The following MARCHF1 variants were observed in gnomAD, a reference collection of about 807,000 sequenced individuals.
MARCHF1 encodes the protein membrane associated ring-CH-type finger 1.
In MARCHF1, 40 loss-of-function variants were observed where a neutral mutation model predicts 54.2. That is an observed-to-expected ratio of 0.74 (90% CI 0.57 to 0.96). The LOEUF is 0.96. Among genes scored for constraint, MARCHF1 ranks in the 40% least tolerant of loss-of-function variants. The pLI is 0.00. For synonymous variants in MARCHF1, 236 were observed against 236.3 expected (o/e 1.00, Z 0.01); for missense variants, 586 against 656.5 (o/e 0.89, Z 1.17).
intron 4 of MARCHF1, among the ~76,000 whole-genome samples, chr4:163,728,533 C>T (rs1386206245): frequency 2.0e-5 from 3 of 152,132 alleles, no homozygotes; most frequent in African/African-American, 4.8e-5. Context: ...TATATTTACA[C>T]GTAAGTCTTC....
intron 1 of MARCHF1, among the ~76,000 whole-genome samples, chr4:164,116,039 T>C (rs533790344): frequency 6.2e-4 from 95 of 152,214 alleles, no homozygotes; most frequent in African/African-American, 1.8e-3. Flanking sequence ...GTTTAAAATC[T>C]AAATAACTTA....
At chr4:164,357,391 G>T (rs1304659792) in intron 1 of MARCHF1, among the ~76,000 whole-genome samples, 1 of 151,958 alleles carries the variant, frequency 6.6e-6, no homozygotes, top group Non-Finnish European at 1.5e-5. Context: ...TCTGAGTCAG[G>T]TTCCTCTGGA....
intron 3 of MARCHF1, among the ~76,000 whole-genome samples, chr4:163,942,297 C>T (rs567632556): frequency 6.6e-5 from 10 of 152,230 alleles, no homozygotes; most frequent in South Asian, 4.1e-4. Flanking sequence ...TCATGGATTT[C>T]GACTCTCTCC....
intron 2 of MARCHF1, among the ~76,000 whole-genome samples, chr4:164,102,510 A>C (rs1259037521): frequency 2.0e-5 from 3 of 149,964 alleles, no homozygotes; most frequent in Admixed American, 6.7e-5. Flanking sequence ...TATCCAGCCA[A>C]ACTAAGCTTC....
chr4:163,598,534 CA>C (rs1409121057), intron 7 of MARCHF1, among the ~76,000 whole-genome samples: 9 of 152,222 alleles, frequency 5.9e-5, no homozygotes, highest in Admixed American at 4.6e-4. Flanking sequence ...TCCCAAGCTA[CA>C]AACCTGTACA....
chr4:163,567,731 G>A (rs564156463), intron 8 of MARCHF1, among the ~76,000 whole-genome samples: 5 of 152,296 alleles, frequency 3.3e-5, no homozygotes, highest in Non-Finnish European at 4.4e-5. Context: ...AGAACTGTGA[G>A]TTCATTAAAC....
intron 5 of MARCHF1, among the ~76,000 whole-genome samples, chr4:163,648,393 T>C (rs1742836992): frequency 6.6e-6 from 1 of 151,974 alleles, no homozygotes; most frequent in African/African-American, 2.4e-5. Flanking sequence ...AGTTCTGTGT[T>C]CAATTTATTC....
intron 3 of MARCHF1, among the ~76,000 whole-genome samples, chr4:163,885,729 T>C (rs959149696): frequency 6.6e-6 from 1 of 151,900 alleles, no homozygotes; most frequent in Non-Finnish European, 1.5e-5. Flanking sequence ...ATGTACACAA[T>C]ATAATGATCC....
intron 2 of MARCHF1, among the ~76,000 whole-genome samples, chr4:164,100,869 G>T (rs939206496): frequency 6.6e-6 from 1 of 152,204 alleles, no homozygotes; most frequent in African/African-American, 2.4e-5. Context: ...TCTCACTAGG[G>T]AGTGCCAGAC....
chr4:164,340,691 G>A (rs1729898825), intron 1 of MARCHF1, among the ~76,000 whole-genome samples: 1 of 151,496 alleles, frequency 6.6e-6, no homozygotes, highest in Non-Finnish European at 1.5e-5. Flanking sequence ...TCAAAGTGCT[G>A]GCATTACAGG....
chr4:164,080,682 A>G (rs1450644213), intron 2 of MARCHF1, among the ~76,000 whole-genome samples: 3 of 151,304 alleles, frequency 2.0e-5, no homozygotes, highest in African/African-American at 4.9e-5. Context: ...ATATATATAT[A>G]TATGTGTGTG....
intron 3 of MARCHF1, among the ~76,000 whole-genome samples, chr4:163,895,045 T>C (rs1445394862): frequency 6.6e-6 from 1 of 151,806 alleles, no homozygotes; most frequent in African/African-American, 2.4e-5. Flanking sequence ...CACATATACA[T>C]ATATGCATGT....
At chr4:164,325,537 A>G (rs1394972492) in intron 1 of MARCHF1, among the ~76,000 whole-genome samples, 1 of 152,022 alleles carries the variant, frequency 6.6e-6, no homozygotes, top group East Asian at 1.9e-4. Context: ...TTTAAAGAAA[A>G]GGTAAAACAA....
chr4:164,165,362 GTCTCTC>G (rs55721102), intron 1 of MARCHF1, among the ~76,000 whole-genome samples: 58 of 148,744 alleles, frequency 3.9e-4, no homozygotes, highest in Admixed American at 2.6e-3. Flanking sequence ...TTTTCTCTCT[GTCTCTC>G]TCTCTCTCTC....
At chr4:164,140,907 T>G (rs1176274440) in intron 1 of MARCHF1, among the ~76,000 whole-genome samples, 1 of 152,162 alleles carries the variant, frequency 6.6e-6, no homozygotes, top group Admixed American at 6.5e-5. Context: ...CCTCCTAAAT[T>G]TTCTCAAGAC....
chr4:163,913,496 A>G (rs1402918147), intron 3 of MARCHF1, among the ~76,000 whole-genome samples: 1 of 152,068 alleles, frequency 6.6e-6, no homozygotes, highest in Non-Finnish European at 1.5e-5. Context: ...GACAGTTGCT[A>G]TTTTCCCTAC....
intron 2 of MARCHF1, among the ~76,000 whole-genome samples, chr4:164,019,138 G>A (rs2110962740): frequency 6.6e-6 from 1 of 152,298 alleles, no homozygotes; most frequent in East Asian, 1.9e-4. Context: ...CCAGGTGAGT[G>A]AGGTTAGGGT....
At chr4:164,298,123 T>C (rs1390651763) in intron 1 of MARCHF1, among the ~76,000 whole-genome samples, 1 of 152,124 alleles carries the variant, frequency 6.6e-6, no homozygotes, top group Non-Finnish European at 1.5e-5. Context: ...CATTGCAATT[T>C]TTACTCATAA....
intron 3 of MARCHF1, among the ~76,000 whole-genome samples, chr4:163,908,745 G>A (rs1394109470): frequency 6.6e-6 from 1 of 152,030 alleles, no homozygotes; most frequent in Non-Finnish European, 1.5e-5. Flanking sequence ...CTTGGCTAAG[G>A]GCTAAAATGT....
Sources: allele counts gnomAD v4.1 joint callset (sites outside exome capture counted in the v4.1 genomes callset), GRCh38; gene constraint gnomAD v4.1.1; transcripts MANE v1.5; gene names NCBI Gene and HGNC (gene_info 2026-07-23, HGNC 2026-07-21).